GALNTL6: variants seen among roughly 807,000 people sequenced by gnomAD.
GALNTL6 encodes polypeptide N-acetylgalactosaminyltransferase-like 6.
In GALNTL6, 46 loss-of-function variants were observed where a neutral mutation model predicts 73.7. That is an observed-to-expected ratio of 0.62 (90% CI 0.49 to 0.80). The LOEUF (loss-of-function observed/expected upper bound fraction) is 0.80. Among genes scored for constraint, GALNTL6 ranks in the 30% least tolerant of loss-of-function variants. GALNTL6 has a pLI of 0.00. For missense variants in GALNTL6, 604 were observed against 755.0 expected, an observed-to-expected ratio of 0.80 and a Z score of 2.34; for synonymous variants, 259 against 263.7, an observed-to-expected ratio of 0.98 and a Z score of 0.17.
intron 5 of GALNTL6, among the ~76,000 whole-genome samples, chr4:172,392,658 G>A (rs1281744635): frequency 6.6e-6 from 1 of 152,072 alleles, no homozygotes; most frequent in Non-Finnish European, 1.5e-5. Flanking sequence ...ACAAATCTGT[G>A]TAAAACATCT....
At chr4:172,141,978 A>G (rs74850918) in intron 2 of GALNTL6, among the ~76,000 whole-genome samples, 1,532 of 152,040 alleles carry the variant, frequency 0.01, 26 homozygotes, top group African/African-American at 0.035. Flanking sequence ...ATAACATGTC[A>G]TAGATTTGCT....
At chr4:172,246,152 A>G (rs1199670400) in intron 3 of GALNTL6, among the ~76,000 whole-genome samples, 23 of 152,202 alleles carry the variant, frequency 1.5e-4, no homozygotes, top group Admixed American at 1.4e-3. Context: ...TGGTGTACTG[A>G]TGTGAAATGA....
chr4:172,109,241 C>G (rs1466884044), intron 2 of GALNTL6, among the ~76,000 whole-genome samples: 1 of 122,820 alleles, frequency 8.1e-6, no homozygotes, highest in South Asian at 3.2e-4. Flanking sequence ...GCCAAAAATA[C>G]GAACATGGAC....
chr4:172,502,403 A>C (rs1734291648), intron 5 of GALNTL6, among the ~76,000 whole-genome samples: 1 of 152,198 alleles, frequency 6.6e-6, no homozygotes, highest in South Asian at 2.1e-4. Flanking sequence ...GTCAACTTCA[A>C]GTTATAACTA....
chr4:172,633,071 G>A (rs2111100595), intron 5 of GALNTL6, among the ~76,000 whole-genome samples: 1 of 152,326 alleles, frequency 6.6e-6, no homozygotes, highest in East Asian at 1.9e-4. Context: ...CAAGGTCAGG[G>A]CCCTCATGGG....
At chr4:172,102,577 A>C (rs1732549239) in intron 2 of GALNTL6, among the ~76,000 whole-genome samples, 1 of 125,612 alleles carries the variant, frequency 8.0e-6, no homozygotes, top group Non-Finnish European at 1.7e-5. Flanking sequence ...CAAGTATTCA[A>C]CACCAGAGAT....
chr4:172,480,467 T>C (rs338026), intron 5 of GALNTL6, among the ~76,000 whole-genome samples: 150,941 of 152,334 alleles, frequency 0.99, 74,802 homozygotes, highest in Middle Eastern at 1. Flanking sequence ...CCTTTAATAG[T>C]TGAAATCAAT....
chr4:172,760,730 T>A (rs142429090), intron 5 of GALNTL6, among the ~76,000 whole-genome samples: 20 of 152,102 alleles, frequency 1.3e-4, no homozygotes, highest in African/African-American at 4.1e-4. Flanking sequence ...AGAGTGTGAG[T>A]TCTGTCTTCT....
chr4:171,866,878 C>G (rs534967022), intron 2 of GALNTL6, among the ~76,000 whole-genome samples: 1 of 152,278 alleles, frequency 6.6e-6, no homozygotes, highest in South Asian at 2.1e-4. Context: ...CTCCAAATAC[C>G]ATCACATTGG....
chr4:172,452,212 A>T (rs1358395509), intron 5 of GALNTL6, among the ~76,000 whole-genome samples: 1 of 152,138 alleles, frequency 6.6e-6, no homozygotes, highest in African/African-American at 2.4e-5. Context: ...AGACCATGGG[A>T]TGGAGTGTTG....
chr4:171,935,809 G>A (rs1014039074), intron 2 of GALNTL6, among the ~76,000 whole-genome samples: 1 of 152,130 alleles, frequency 6.6e-6, no homozygotes, highest in Non-Finnish European at 1.5e-5. Context: ...TTCCTGGGCA[G>A]GTGTGTAGAT....
chr4:172,818,894 G>C (rs1741766822), intron 7 of GALNTL6, among the ~76,000 whole-genome samples: 1 of 152,156 alleles, frequency 6.6e-6, no homozygotes, highest in African/African-American at 2.4e-5. Context: ...ACCGCACTTG[G>C]CCACAATCAT....
At chr4:172,228,798 G>T (rs906695435) in intron 2 of GALNTL6, among the ~76,000 whole-genome samples, 1 of 152,072 alleles carries the variant, frequency 6.6e-6, no homozygotes, top group African/African-American at 2.4e-5. Flanking sequence ...AATGATTATT[G>T]TTTCTTATTA....
intron 5 of GALNTL6, among the ~76,000 whole-genome samples, chr4:172,650,557 G>C (rs753247269): frequency 2.0e-5 from 3 of 152,060 alleles, no homozygotes; most frequent in Non-Finnish European, 4.4e-5. Flanking sequence ...AGAATTCAAA[G>C]AACCAAGTTA....
At chr4:171,909,044 A>G (rs1283520387) in intron 2 of GALNTL6, among the ~76,000 whole-genome samples, 1 of 151,102 alleles carries the variant, frequency 6.6e-6, no homozygotes, top group Non-Finnish European at 1.5e-5. Flanking sequence ...ACCTAATGCT[A>G]GATGACGAGT....
chr4:172,766,814 C>CCTA (rs1738436334), intron 5 of GALNTL6, among the ~76,000 whole-genome samples: 1 of 152,148 alleles, frequency 6.6e-6, no homozygotes, highest in African/African-American at 2.4e-5. Flanking sequence ...GAGAATAGTG[C>CCTA]CAACGAATTA....
chr4:172,654,209 CG>C (rs932733354), intron 5 of GALNTL6, among the ~76,000 whole-genome samples: 3 of 152,142 alleles, frequency 2.0e-5, no homozygotes, highest in Admixed American at 2.0e-4. Flanking sequence ...TTTTTAAAAG[CG>C]GGAGCTCAGA....
chr4:172,129,071 AG>A (rs1238041239), intron 2 of GALNTL6, among the ~76,000 whole-genome samples: 10 of 152,340 alleles, frequency 6.6e-5, no homozygotes, highest in African/African-American at 2.4e-4. Flanking sequence ...AAAGGTGTCT[AG>A]ATTGTTGGTT....
intron 2 of GALNTL6, among the ~76,000 whole-genome samples, chr4:171,985,325 AC>A (rs1403349409): frequency 6.6e-6 from 1 of 151,850 alleles, no homozygotes; most frequent in Non-Finnish European, 1.5e-5. Context: ...GAAAGGGAAA[AC>A]CCCTTATAAA....
Sources: gnomAD v4.1 joint callset for allele counts (sites outside exome capture counted in the v4.1 genomes callset) on GRCh38, gnomAD v4.1.1 for gene constraint, MANE v1.5 for transcripts, NCBI Gene and HGNC (gene_info 2026-07-23, HGNC 2026-07-21) for gene names.